Variants in WDFY2 observed in about 807,000 individuals in gnomAD.
WDFY2 encodes WD repeat and FYVE domain-containing protein 2.
A neutral mutation model predicts 56.4 loss-of-function variants in WDFY2; 36 were observed. The ratio of observed to expected loss-of-function variants is 0.64; its 90% CI spans 0.49 to 0.84. The LOEUF (loss-of-function observed/expected upper bound fraction) is 0.84, where lower values mean the gene tolerates loss of function less well. Among genes scored for constraint, WDFY2 ranks in the 40% least tolerant of loss-of-function variants. The pLI is 0.00. For missense variants in WDFY2, 444 were observed against 512.2 expected, an observed-to-expected ratio of 0.87 and a Z score of 1.29; for synonymous variants, 176 against 183.7, an observed-to-expected ratio of 0.96 and a Z score of 0.34.
At chr13:51,747,623 T>G (rs1352068652) in intron 7 of WDFY2, among the ~76,000 whole-genome samples, 1 of 152,218 alleles carries the variant, frequency 6.6e-6, no homozygotes, top group East Asian at 1.9e-4. Context: ...CCTCAGCCTT[T>G]CAGGCTCAAG....
In WDFY2 at chr13:51,629,874, G is replaced by A. The variant is rs114859753; in HGVS notation, c.138-30722G>A. On this transcript the variant is annotated intron_variant, in intron 1 of 11. Coordinates refer to ENST00000298125, the MANE Select transcript of WDFY2 (RefSeq NM_052950.4). ...AGATGTATTACATCTGAAAAATATT[G>A]AAAGTACAAAAACAGTATGTGAAGC... Among the ~76,000 whole-genome samples the A allele has an allele frequency of 7.2e-3, 777 of 107,424 alleles. 6 individuals are homozygous for A. The highest frequency in any genetic ancestry group is 0.026 in the African/African-American group (725 of 27,968). 70.5% of individuals were successfully genotyped at this position (107,424 alleles called of 152,430 possible).
At chr13:51,640,754 G>A (rs1955140221) in intron 1 of WDFY2, among the ~76,000 whole-genome samples, 1 of 150,892 alleles carries the variant, frequency 6.6e-6, no homozygotes, top group African/African-American at 2.5e-5. Context: ...TGAGGCTGAG[G>A]CAGGAGAATC....
At chr13:51,657,468 G>C (rs1955530888) in intron 1 of WDFY2, among the ~76,000 whole-genome samples, 1 of 152,010 alleles carries the variant, frequency 6.6e-6, no homozygotes, top group African/African-American at 2.4e-5. Context: ...AGATCTACTA[G>C]TAATGAATTT....
chr13:51,628,938 G>A (rs547890881), intron 1 of WDFY2, among the ~76,000 whole-genome samples: 6 of 152,312 alleles, frequency 3.9e-5, no homozygotes, highest in Non-Finnish European at 7.4e-5. Flanking sequence ...TTCTGTTTCT[G>A]TGATCCATTT....
At chr13:51,680,569 A>C (rs1157584829) in intron 3 of WDFY2, among the ~76,000 whole-genome samples, 1 of 152,206 alleles carries the variant, frequency 6.6e-6, no homozygotes, top group East Asian at 1.9e-4. Flanking sequence ...AACTCAGTAC[A>C]TCTGGTAATA....
Position 51,766,776 on chromosome 13 carries a change from A to C in WDFY2, c.*7007A>C, listed in dbSNP as rs1409787423. On this transcript the variant is annotated 3_prime_UTR_variant, in exon 12 of 12. Coordinates refer to ENST00000298125, the MANE Select transcript of WDFY2 (RefSeq NM_052950.4). ...GGAGTTGCCGCCACGGTTTAAAATA[A>C]ATCTCTGTGAAAACCTTTCTGCAGC... 1 of 152,246 alleles carries C rather than the reference A, an allele frequency of 6.6e-6. No homozygotes were observed. The highest frequency in any genetic ancestry group is 1.5e-5 in the Non-Finnish European group (1 of 68,058). The allele number at this position is 152,246 out of a possible 1,614,324, so 9.4% of individuals were successfully genotyped here. A position where few individuals can be genotyped will look rare whatever the true frequency, so the allele number is the denominator to read the frequency against.
chr13:51,614,613 G>A (rs1954574832), intron 1 of WDFY2, among the ~76,000 whole-genome samples: 1 of 152,178 alleles, frequency 6.6e-6, no homozygotes, highest in South Asian at 2.1e-4. Context: ...GAGAAGGGCA[G>A]ATGGCAAAAG....
intron 2 of WDFY2, among the ~76,000 whole-genome samples, chr13:51,672,730 G>A (rs879713857): frequency 6.6e-6 from 1 of 152,144 alleles, no homozygotes; most frequent in South Asian, 2.1e-4. Flanking sequence ...TTTCAGCAGT[G>A]TTTGTAGTTT....
At chr13:51,653,564 G>A (rs1164307087) in intron 1 of WDFY2, among the ~76,000 whole-genome samples, 1 of 152,116 alleles carries the variant, frequency 6.6e-6, no homozygotes, top group Non-Finnish European at 1.5e-5. Flanking sequence ...TGATGGTGAC[G>A]TACAGATGGG....
At chr13:51,671,981 G>C (rs1955816531) in intron 2 of WDFY2, among the ~76,000 whole-genome samples, 1 of 151,550 alleles carries the variant, frequency 6.6e-6, no homozygotes, top group Admixed American at 6.6e-5. Flanking sequence ...ATGGGGTTTC[G>C]CCATGTTGGC....
chr13:51,666,379 A>C (rs189774360), intron 2 of WDFY2, among the ~76,000 whole-genome samples: 1 of 152,194 alleles, frequency 6.6e-6, no homozygotes, highest in African/African-American at 2.4e-5. Context: ...AATATTTTTC[A>C]GACACGAGGG....
At chr13:51,680,886 G>A (rs1955966269) in intron 3 of WDFY2, among the ~76,000 whole-genome samples, 1 of 152,144 alleles carries the variant, frequency 6.6e-6, no homozygotes, top group African/African-American at 2.4e-5. Flanking sequence ...CTTCATACAA[G>A]TAGGACAGCC....
chr13:51,607,881 G>C (rs2138327305), intron 1 of WDFY2, among the ~76,000 whole-genome samples: 1 of 152,300 alleles, frequency 6.6e-6, no homozygotes, highest in African/African-American at 2.4e-5. Flanking sequence ...TGAATGGGGA[G>C]ATCTTCCTGG....
intron 3 of WDFY2, among the ~76,000 whole-genome samples, chr13:51,688,960 G>A (rs1956104621): frequency 6.6e-6 from 1 of 152,112 alleles, no homozygotes; most frequent in African/African-American, 2.4e-5. Flanking sequence ...AGGGTGGCGG[G>A]GACACAAAAT....
At chr13:51,662,990 C>T (rs1257936802) in intron 2 of WDFY2, among the ~76,000 whole-genome samples, 1 of 152,194 alleles carries the variant, frequency 6.6e-6, no homozygotes, top group Non-Finnish European at 1.5e-5. Context: ...CAATCAAAAT[C>T]TGCATTTAAC....
intron 3 of WDFY2, among the ~76,000 whole-genome samples, chr13:51,696,102 G>C (rs986543994): frequency 1.3e-5 from 2 of 152,216 alleles, no homozygotes; most frequent in Admixed American, 1.3e-4. Context: ...GACTGGGAAA[G>C]GGAACTCCCT....
At chr13:51,692,378 A>G (rs1381257752) in intron 3 of WDFY2, among the ~76,000 whole-genome samples, 1 of 152,122 alleles carries the variant, frequency 6.6e-6, no homozygotes, top group South Asian at 2.1e-4. Context: ...ATCAATACCT[A>G]ATTTACTGAG....
Position 51,639,158 on chromosome 13 carries a change from C to T in WDFY2, c.138-21438C>T, listed in dbSNP as rs868822316. ...CAAAAATATAAAGAAATTTTGCTAT[C>T]GTGGGTTCATCTGCACTTTTTTACA... On this transcript the variant is annotated intron_variant, in intron 1 of 11. Transcript: ENST00000298125. Among the ~76,000 whole-genome samples the T allele has an allele frequency of 3.9e-5, 6 of 152,136 alleles. No homozygotes were observed. In the Middle Eastern group the frequency reaches 0.01, roughly 259 times the overall value.
intron 1 of WDFY2, among the ~76,000 whole-genome samples, chr13:51,602,029 G>A (rs1373496832): frequency 6.6e-6 from 1 of 152,152 alleles, no homozygotes; most frequent in African/African-American, 2.4e-5. Flanking sequence ...TTACACAATT[G>A]TAGATATGAC....
Sources: allele counts gnomAD v4.1 joint callset (sites outside exome capture counted in the v4.1 genomes callset), GRCh38; gene constraint gnomAD v4.1.1; transcripts MANE v1.5; gene names NCBI Gene and HGNC (gene_info 2026-07-23, HGNC 2026-07-21).